ZNF805: variants seen among roughly 807,000 people sequenced by gnomAD.
The protein encoded by ZNF805 is zinc finger protein 805.
In ZNF805, 7 loss-of-function variants were observed where a neutral mutation model predicts 13.6. That is an observed-to-expected ratio of 0.51 (90% CI 0.29 to 0.97). The LOEUF is 0.97. Among genes scored for constraint, ZNF805 ranks in the 50% least tolerant of loss-of-function variants. ZNF805 has a pLI of 0.08. For synonymous variants in ZNF805, 293 were observed against 279.8 expected (o/e 1.05, Z -0.47); for missense variants, 604 against 771.0 (o/e 0.78, Z 2.57).
chr19:57,246,734 C>T (rs551610478), intron 2 of ZNF805, among the ~76,000 whole-genome samples: 3 of 149,492 alleles, frequency 2.0e-5, no homozygotes, highest in Non-Finnish European at 4.4e-5. Context: ...TGAGATCGCG[C>T]TACTGCACTC....
rs2087716515 is a variant in ZNF805, at chr19:57,260,292, G to A, written c.*5589G>A. ...TAGCTTTAGTCGGATCTCAAGCCTCGTTTCCAACCTATTTCACCCTTCCTT... is the reference window on the plus strand; with the variant it reads ...TAGCTTTAGTCGGATCTCAAGCCTCATTTCCAACCTATTTCACCCTTCCTT... On this transcript the variant is annotated 3_prime_UTR_variant, in exon 4 of 4. Coordinates refer to ENST00000414468, the MANE Select transcript of ZNF805 (RefSeq NM_001023563.4). 6.6e-6 allele frequency among the ~76,000 whole-genome samples: 1 copy of A among 152,046 alleles called. No individual in the cohort carries two copies. Among genetic ancestry groups the A allele is most frequent in the East Asian group, 1.9e-4 (1 of 5,190 alleles).
intron 2 of ZNF805, among the ~76,000 whole-genome samples, chr19:57,244,662 G>A (rs1446223085): frequency 3.3e-5 from 5 of 152,156 alleles, no homozygotes; most frequent in Non-Finnish European, 7.4e-5. Context: ...TATGTTATGA[G>A]GGGTTGAAGT....
In ZNF805 at chr19:57,254,432, C is replaced by T. The variant is rs764486981; in HGVS notation, c.1613C>T (p.Pro538Leu). Residue 538 changes from proline (P) to leucine (L), a missense_variant, in exon 4 of 4, where the codon CCG becomes CTG. Coordinates refer to ENST00000414468, the MANE Select transcript of ZNF805 (RefSeq NM_001023563.4). ...RHSIIHTGEK[P>L]YECSECGKAF... The stretch of plus-strand genomic sequence containing the variant: ...TCTATCATCCACACTGGAGAGAAGC[C>T]GTATGAGTGCAGTGAATGTGGAAAG... 10 of 1,614,190 alleles carry T rather than the reference C, an allele frequency of 6.2e-6. No individual in the cohort carries two copies. Among genetic ancestry groups the T allele is most frequent in the African/African-American group, 2.7e-5 (2 of 75,034 alleles).
intron 2 of ZNF805, among the ~76,000 whole-genome samples, chr19:57,244,489 G>C (rs2087599518): frequency 6.6e-6 from 1 of 151,870 alleles, no homozygotes; most frequent in Admixed American, 6.6e-5. Flanking sequence ...GGGATTACAG[G>C]TGTGAGCCAC....
At chr19:57,250,102 C>G (rs1042716793) in intron 3 of ZNF805, among the ~76,000 whole-genome samples, 3 of 152,252 alleles carry the variant, frequency 2.0e-5, no homozygotes, top group Admixed American at 6.5e-5. Flanking sequence ...GGGACTGGCC[C>G]CAACCTCAGA....
At position 57,254,409 on chromosome 19, in the gene ZNF805, T is replaced by G. The variant is rs752344625; in HGVS notation, c.1590T>G (p.Ser530=). The G allele has an allele frequency of 3.1e-6, 5 of 1,613,428 alleles. No individual in the cohort carries two copies. The African/African-American group carries it at 6.7e-5, about 22-fold the overall frequency. The part of the protein sequence containing the change: ...FCWSTNLIRH[S]IIHTGEKPYE... ...GGAGCACAAACCTCATTCGACACTC[T>G]ATCATCCACACTGGAGAGAAGCCGT... The change falls in exon 4 of 4, where the codon TCT becomes TCG. Residue 530 remains serine (S), a synonymous_variant. Transcript: ENST00000414468.
intron 2 of ZNF805, 76 bp downstream of exon 2, chr19:57,244,125 G>T: frequency 6.5e-7 from 1 of 1,533,012 alleles, no homozygotes; most frequent in Non-Finnish European, 8.8e-7. Context: ...GGCCTGATGG[G>T]TCAAGAAGTC....
chr19:57,254,245 A>G lies in ZNF805; in HGVS notation c.1426A>G (p.Ile476Val), dbSNP rs771084605. Residue 476 changes from isoleucine (I) to valine (V), a missense_variant, in exon 4 of 4, where the codon ATC becomes GTC. This residue lies in a region of ZNF805 where 228 missense variants were observed against 352.8 expected (regional missense o/e 0.65). Coordinates refer to ENST00000414468, the MANE Select transcript of ZNF805 (RefSeq NM_001023563.4). ...NRADLIRHFS[I>V]HTGEKPYECM... Reference sequence around the variant, plus strand: ...GGCAGACCTCATTCGCCACTTCAGCATCCACACTGGAGAGAAGCCCTATGA... The same window carrying G: ...GGCAGACCTCATTCGCCACTTCAGCGTCCACACTGGAGAGAAGCCCTATGA... The G allele has an allele frequency of 6.2e-7, 1 of 1,614,016 alleles. No individual in the cohort carries two copies. The highest frequency in any genetic ancestry group is 8.5e-7 in the Non-Finnish European group (1 of 1,179,980).
At position 57,253,159 on chromosome 19, in the gene ZNF805, C is replaced by A; in HGVS notation, c.340C>A (p.Gln114Lys). Residue 114 changes from glutamine (Q) to lysine (K), a missense_variant, in exon 4 of 4, where the codon CAA becomes AAA. Physicochemically the swap from Gln to Lys is moderately conservative, Grantham distance 53. Transcript: ENST00000414468. This position sits in a 1 kb window ranked among gnomAD's most constrained non-coding sequence, Gnocchi z 4.4. ...EGISFWGQLT[Q>K]GASGDSQLGQ... ...AATCTCTTTTTGGGGACAACTAACA[C>A]AAGGAGCTTCAGGGGACTCCCAGTT... The A allele has an allele frequency of 1.3e-6, 2 of 1,550,536 alleles. No homozygotes were observed. The highest frequency in any genetic ancestry group is 1.7e-6 in the Non-Finnish European group (2 of 1,149,348).
chr19:57,245,552 G>A (rs992509684), intron 2 of ZNF805, among the ~76,000 whole-genome samples: 6 of 150,952 alleles, frequency 4.0e-5, no homozygotes, highest in Admixed American at 6.6e-5. Context: ...GGCCGAGATG[G>A]GCGGATCACA....
At chr19:57,241,736 C>T (rs973357505) in intron 1 of ZNF805, among the ~76,000 whole-genome samples, 33 of 152,110 alleles carry the variant, frequency 2.2e-4, no homozygotes, top group African/African-American at 7.5e-4. Flanking sequence ...ACGCAGAGTT[C>T]TTTCCTACCC....
In ZNF805 at chr19:57,254,427, G is replaced by A; in HGVS notation, c.1608G>A (p.Glu536=). Residue 536 remains glutamate (E), a synonymous_variant, in exon 4 of 4, where the codon GAG becomes GAA. Coordinates refer to ENST00000414468, the MANE Select transcript of ZNF805 (RefSeq NM_001023563.4). Reference sequence around the variant, plus strand: ...GACACTCTATCATCCACACTGGAGAGAAGCCGTATGAGTGCAGTGAATGTG... The same window carrying A: ...GACACTCTATCATCCACACTGGAGAAAAGCCGTATGAGTGCAGTGAATGTG... ...LIRHSIIHTG[E]KPYECSECGK... The A allele has an allele frequency of 6.2e-7, 1 of 1,614,234 alleles. No individual in the cohort carries two copies. The highest frequency in any genetic ancestry group is 8.5e-7 in the Non-Finnish European group (1 of 1,180,042).
rs2087725058 is a variant in ZNF805 at position 57,261,668 on chromosome 19, A to G, written c.*6965A>G. On this transcript the variant is annotated 3_prime_UTR_variant, in exon 4 of 4. Transcript: ENST00000414468. ...CGTACCTTGACCTCGAAGAGAATCT[A>G]CATGGACTTTTATGGACCTACGTAC... The G allele has an allele frequency of 6.0e-6, 1 of 167,070 alleles. No individual in the cohort carries two copies. Among genetic ancestry groups the G allele is most frequent in the Non-Finnish European group, 1.5e-5 (1 of 68,118 alleles). 10.3% of individuals were successfully genotyped at this position (167,070 alleles called of 1,614,324 possible).
intron 3 of ZNF805, among the ~76,000 whole-genome samples, chr19:57,251,297 A>G (rs200907905): frequency 9.8e-6 from 1 of 102,334 alleles, no homozygotes; most frequent in East Asian, 2.4e-4. Context: ...TGAAACTATA[A>G]GGCCCCTCAA....
intron 2 of ZNF805, among the ~76,000 whole-genome samples, chr19:57,244,847 G>C (rs1239389473): frequency 6.6e-6 from 1 of 152,096 alleles, no homozygotes; most frequent in Non-Finnish European, 1.5e-5. Context: ...TGTTTCTCTG[G>C]CCTCTGTGGG....
intron 2 of ZNF805, among the ~76,000 whole-genome samples, chr19:57,247,793 A>T (rs547250093): frequency 6.6e-6 from 1 of 152,204 alleles, no homozygotes; most frequent in African/African-American, 2.4e-5. Context: ...GCCATTCTCC[A>T]GTTCTGTGCT....
At position 57,254,671 on chromosome 19, in the gene ZNF805, C is replaced by G; in HGVS notation, c.1852C>G (p.Gln618Glu). The G allele has an allele frequency of 1.9e-6, 3 of 1,613,114 alleles. No homozygotes were observed. Among genetic ancestry groups the G allele is most frequent in the Non-Finnish European group, 2.5e-6 (3 of 1,179,550 alleles). ...ASYMASDRTY[Q>E]RETPQVSSL Reference sequence around the variant, plus strand: ...TTACATGGCATCTGATCGTACATACCAAAGAGAAACCCCACAAGTGTCTTC... The same window carrying G: ...TTACATGGCATCTGATCGTACATACGAAAGAGAAACCCCACAAGTGTCTTC... The change falls in exon 4 of 4, where the codon CAA becomes GAA. Residue 618 changes from glutamine to glutamate, a missense_variant. Physicochemically the swap from Gln to Glu is conservative, Grantham distance 29 (BLOSUM62 2). Transcript: ENST00000414468.
chr19:57,253,679 A>G lies in ZNF805; in HGVS notation c.860A>G (p.Tyr287Cys), dbSNP rs760966894. 6.2e-6 allele frequency: 10 copies of G among 1,613,746 alleles called. No individual in the cohort carries two copies. Among genetic ancestry groups the G allele is most frequent in the South Asian group, 4.4e-5 (4 of 91,068 alleles). ...HQRIHSGEKP[Y>C]KCSECGKAFT... The stretch of plus-strand genomic sequence containing the variant: ...CGGATTCACAGTGGAGAGAAGCCTT[A>G]TAAGTGCAGTGAATGTGGAAAGGCC... The change falls in exon 4 of 4, where the codon TAT becomes TGT. Residue 287 changes from tyrosine (Y) to cysteine (C), a missense_variant. By Grantham distance (194) the Tyr-to-Cys change is radical. Transcript: ENST00000414468. This position sits in a 1 kb window ranked among gnomAD's most constrained non-coding sequence, Gnocchi z 4.4.
At chr19:57,241,787 A>C (rs1041770530) in intron 1 of ZNF805, among the ~76,000 whole-genome samples, 1 of 152,160 alleles carries the variant, frequency 6.6e-6, no homozygotes, top group Non-Finnish European at 1.5e-5. Flanking sequence ...CTCAGACACT[A>C]TCCTCAGATC....
Sources: gnomAD v4.1 joint callset for allele counts (sites outside exome capture counted in the v4.1 genomes callset) on GRCh38, gnomAD v4.1.1 for gene constraint, gnomAD v4.1.1 regional missense constraint, Gnocchi (gnomAD v3.1) non-coding constraint, MANE v1.5 for transcripts, NCBI Gene and HGNC (gene_info 2026-07-23, HGNC 2026-07-21) for gene names.